Variants in ATP9A observed in about 807,000 individuals in gnomAD.
ATP9A encodes the protein probable phospholipid-transporting ATPase IIA.
In ATP9A, 52 loss-of-function variants were observed where a neutral mutation model predicts 144.1. That is an observed-to-expected ratio of 0.36 (90% CI 0.29 to 0.45). The LOEUF is 0.45. ATP9A is among the 20% of genes least tolerant of loss of function. ATP9A has a pLI of 1.00. For synonymous variants in ATP9A, 582 were observed against 557.4 expected (o/e 1.04, Z -0.62); for missense variants, 947 against 1,392.7 (o/e 0.68, Z 5.09).
intron 17 of ATP9A, among the ~76,000 whole-genome samples, chr20:51,626,883 C>T (rs2077251148): frequency 6.6e-6 from 1 of 151,648 alleles, no homozygotes; most frequent in African/African-American, 2.4e-5. Context: ...ATGGTGAAAC[C>T]CCATCTCTAT....
intron 5 of ATP9A, among the ~76,000 whole-genome samples, chr20:51,697,015 A>G (rs1601111257): frequency 1.3e-5 from 2 of 152,338 alleles, no homozygotes; most frequent in East Asian, 1.9e-4. Flanking sequence ...AATAATAGAC[A>G]AGCACAATGG....
chr20:51,640,138 A>G (rs778329692), intron 14 of ATP9A, among the ~76,000 whole-genome samples: 3 of 152,144 alleles, frequency 2.0e-5, no homozygotes, highest in Non-Finnish European at 4.4e-5. Flanking sequence ...TGGCACAATT[A>G]CGGATCACTC....
At chr20:51,729,504 A>G (rs8116881) in intron 2 of ATP9A, among the ~76,000 whole-genome samples, 10,347 of 152,124 alleles carry the variant, frequency 0.068, 803 homozygotes, top group African/African-American at 0.19. Context: ...CAGCACTTTG[A>G]GAGGCTGAAG....
chr20:51,668,468 T>C (rs2077443045), intron 13 of ATP9A, among the ~76,000 whole-genome samples: 1 of 151,780 alleles, frequency 6.6e-6, no homozygotes, highest in African/African-American at 2.4e-5. Context: ...GACAGAGCCA[T>C]CAGCATCCAC....
intron 18 of ATP9A, 123 bp downstream of exon 18, chr20:51,625,069 G>T: frequency 1.2e-6 from 1 of 817,128 alleles, no homozygotes; most frequent in Non-Finnish European, 1.8e-6. Flanking sequence ...GCCCATTGCA[G>T]ATAAGGCACT....
intron 4 of ATP9A, 39 bp from the exon 5 acceptor site, chr20:51,697,521 T>C (rs1178411642): frequency 6.3e-7 from 1 of 1,589,426 alleles, no homozygotes; most frequent in Non-Finnish European, 8.6e-7. Flanking sequence ...ACCATCTTAA[T>C]TCATTTCAAT....
At chr20:51,721,804 AAAAAAAAAAAAG>A (rs1241795275) in intron 3 of ATP9A, among the ~76,000 whole-genome samples, 6 of 150,306 alleles carry the variant, frequency 4.0e-5, no homozygotes, top group Non-Finnish European at 7.4e-5. Context: ...CCATCTCAAA[AAAAAAAAAAAAG>A]AAAAAGAAAA....
intron 3 of ATP9A, among the ~76,000 whole-genome samples, chr20:51,719,892 T>C (rs942781449): frequency 2.0e-5 from 3 of 151,572 alleles, no homozygotes; most frequent in African/African-American, 7.3e-5. Context: ...CTACTAAAAA[T>C]ACAAAAATTA....
chr20:51,669,579 T>A (rs577006976), intron 13 of ATP9A, among the ~76,000 whole-genome samples: 1 of 152,332 alleles, frequency 6.6e-6, no homozygotes, highest in South Asian at 2.1e-4. Flanking sequence ...GGTCGTAAAC[T>A]TGAAGTATAA....
chr20:51,754,031 G>A (rs1387880294), intron 1 of ATP9A, among the ~76,000 whole-genome samples: 1 of 151,948 alleles, frequency 6.6e-6, no homozygotes, highest in South Asian at 2.1e-4. Context: ...GGAAAACAAA[G>A]ATTAGACTTT....
At chr20:51,663,988 A>C (rs1407828014) in intron 13 of ATP9A, among the ~76,000 whole-genome samples, 1 of 152,106 alleles carries the variant, frequency 6.6e-6, no homozygotes, top group East Asian at 1.9e-4. Flanking sequence ...TAAATGAAAA[A>C]TGACAGTTCA....
chr20:51,619,228 C>T (rs549107289), intron 19 of ATP9A, among the ~76,000 whole-genome samples, 185 bp from the exon 20 acceptor site: 1 of 152,180 alleles, frequency 6.6e-6, no homozygotes. Flanking sequence ...ATCAAGAGAG[C>T]CCATGTGCCA....
intron 27 of ATP9A, among the ~76,000 whole-genome samples, chr20:51,604,233 C>T (rs928257659): frequency 6.6e-6 from 1 of 152,160 alleles, no homozygotes; most frequent in African/African-American, 2.4e-5. Context: ...AGCTCCCTGG[C>T]GAGCCCGTCC....
intron 1 of ATP9A, among the ~76,000 whole-genome samples, chr20:51,739,028 G>A (rs895624684): frequency 6.6e-5 from 10 of 152,240 alleles, no homozygotes; most frequent in African/African-American, 2.4e-4. Context: ...GGCGGAGGTT[G>A]CAGTGAGCTG....
Position 51,600,117 on chromosome 20 carries a change from C to G in ATP9A, c.*1094G>C, listed in dbSNP as rs1327009605. 1 of 152,180 alleles carries G rather than the reference C, an allele frequency of 6.6e-6. No homozygotes were observed. The highest frequency in any genetic ancestry group is 1.5e-5 in the Non-Finnish European group (1 of 68,042). The allele number at this position is 152,180 out of a possible 1,614,324, so 9.4% of individuals were successfully genotyped here. A position where few individuals can be genotyped will look rare whatever the true frequency, so the allele number is the denominator to read the frequency against. On this transcript the variant is annotated 3_prime_UTR_variant, in exon 28 of 28. Transcript: ENST00000338821. The stretch of plus-strand genomic sequence containing the variant: ...CCAGATCCCAACGCTGTAGCTTGGG[C>G]GTCCTCCCACCAGGGGTTCCTTGTT...
rs144890625 is a variant in ATP9A at position 51,674,211 on chromosome 20, G to A, written c.979C>T (p.Arg327Cys). 58 of 1,613,816 alleles carry A rather than the reference G, an allele frequency of 3.6e-5. No homozygotes were observed. Among genetic ancestry groups the A allele is most frequent in the East Asian group, 6.7e-5 (3 of 44,890 alleles). ...VMVALQHFAG[R>C]WYLQIIRFLL... ...AAGCGGATGATCTGCAGGTACCAAC[G>A]GCCTGCAAAGTGCTGAAGGGCAACC... The change falls in exon 11 of 28, where the codon CGT (arginine) becomes TGT (cysteine). Residue 327 changes from arginine to cysteine, a missense_variant. Coordinates refer to ENST00000338821, the MANE Select transcript of ATP9A (RefSeq NM_006045.3).
chr20:51,621,972 A>G, intron 19 of ATP9A, 102 bp downstream of exon 19: 1 of 1,017,828 alleles, frequency 9.8e-7, no homozygotes, highest in Non-Finnish European at 1.5e-6. Flanking sequence ...TAGGTAATTC[A>G]CATGCTGCCC....
chr20:51,736,643 C>T (rs906206013), intron 1 of ATP9A, among the ~76,000 whole-genome samples: 1 of 152,018 alleles, frequency 6.6e-6, no homozygotes, highest in African/African-American at 2.4e-5. Flanking sequence ...GCGGGAGCCA[C>T]CGCGCCTGGC....
At chr20:51,761,490 C>A (rs6013274) in intron 1 of ATP9A, among the ~76,000 whole-genome samples, 6 of 151,922 alleles carry the variant, frequency 3.9e-5, no homozygotes, top group African/African-American at 9.7e-5. Context: ...GGCCGGGCGC[C>A]GTGGCTCACG....
Sources: allele counts gnomAD v4.1 joint callset (sites outside exome capture counted in the v4.1 genomes callset), GRCh38; gene constraint gnomAD v4.1.1; transcripts MANE v1.5; gene names NCBI Gene and HGNC (gene_info 2026-07-23, HGNC 2026-07-21).